The following AMPH variants were observed in gnomAD, a reference collection of about 807,000 sequenced individuals.
AMPH encodes amphiphysin, also known as amphiphysin (Stiff-Mann syndrome with breast cancer 128kD autoantigen).
In AMPH, 49 loss-of-function variants were observed where a neutral mutation model predicts 99.1. The ratio of observed to expected loss-of-function variants is 0.49; its 90% confidence interval spans 0.39 to 0.63. The LOEUF (loss-of-function observed/expected upper bound fraction) is 0.63, where lower values mean the gene tolerates loss of function less well. AMPH is among the 20% of genes least tolerant of loss of function. AMPH has a pLI of 0.00. For missense variants in AMPH, 759 were observed against 863.4 expected, an observed-to-expected ratio of 0.88 and a Z score of 1.52; for synonymous variants, 314 against 317.3, an observed-to-expected ratio of 0.99 and a Z score of 0.11.
chr7:38,553,674 A>G (rs1791258845), intron 1 of AMPH, among the ~76,000 whole-genome samples: 1 of 152,174 alleles, frequency 6.6e-6, no homozygotes, highest in African/African-American at 2.4e-5. Flanking sequence ...CTGAGCTTTC[A>G]TTACACTTCA....
chr7:38,422,355 G>T, intron 16 of AMPH, 66 bp downstream of exon 16: 1 of 1,332,558 alleles, frequency 7.5e-7, no homozygotes, highest in Non-Finnish European at 1.1e-6. Flanking sequence ...AGCCTAGAAT[G>T]ATCAGCTTTA....
At chr7:38,626,492 A>C (rs1794246480) in intron 1 of AMPH, among the ~76,000 whole-genome samples, 1 of 152,250 alleles carries the variant, frequency 6.6e-6, no homozygotes, top group African/African-American at 2.4e-5. Flanking sequence ...GGCTAGCCAT[A>C]TGCAGAAAAC....
intron 1 of AMPH, among the ~76,000 whole-genome samples, chr7:38,560,894 C>G (rs926844297): frequency 1.3e-5 from 2 of 152,180 alleles, no homozygotes; most frequent in African/African-American, 4.8e-5. Context: ...TTTCTAGAAT[C>G]AGAATGTGAT....
intron 2 of AMPH, among the ~76,000 whole-genome samples, chr7:38,525,571 C>T (rs927268032): frequency 4.0e-5 from 6 of 151,700 alleles, no homozygotes; most frequent in African/African-American, 1.5e-4. Flanking sequence ...ACAAGAATCC[C>T]TTGTATTGAC....
At chr7:38,445,121 G>T (rs952508932) in intron 11 of AMPH, among the ~76,000 whole-genome samples, 2 of 143,556 alleles carry the variant, frequency 1.4e-5, no homozygotes, top group African/African-American at 5.2e-5. Flanking sequence ...ATAGATAATT[G>T]GTTGTCTGAT....
chr7:38,577,015 G>A (rs905787159), intron 1 of AMPH, among the ~76,000 whole-genome samples: 1 of 152,072 alleles, frequency 6.6e-6, no homozygotes, highest in East Asian at 1.9e-4. Flanking sequence ...TCTTAAAGAG[G>A]ATTTATATGG....
Position 38,384,720 on chromosome 7 carries a change from TA to T in AMPH, c.*97del. ...CCAAGGTTTGTCTGGCATCAGTCTG[TA>T]AATCATTAAGAGCATAATAACAAAA... On this transcript the variant is annotated 3_prime_UTR_variant, in exon 21 of 21. Coordinates refer to ENST00000356264, the MANE Select transcript of AMPH (RefSeq NM_001635.4). 1.0e-6 allele frequency: 1 copy of T among 996,102 alleles called. No individual in the cohort carries two copies. The highest frequency in any genetic ancestry group is 1.6e-6 in the Non-Finnish European group (1 of 643,736). The allele number at this position is 996,102 out of a possible 1,614,324, so 61.7% of individuals were successfully genotyped here.
At chr7:38,601,800 G>T (rs1042213162) in intron 1 of AMPH, among the ~76,000 whole-genome samples, 7 of 152,286 alleles carry the variant, frequency 4.6e-5, no homozygotes, top group Admixed American at 3.9e-4. Context: ...GGACTAATCA[G>T]ATTGCTGGCA....
intron 8 of AMPH, 98 bp downstream of exon 8, chr7:38,466,075 G>C (rs765763462): frequency 2.1e-6 from 2 of 958,704 alleles, no homozygotes; most frequent in Non-Finnish European, 3.2e-6. Flanking sequence ...ATACAAAAGG[G>C]TGAATTCTTT....
At chr7:38,594,754 C>G (rs749384084) in intron 1 of AMPH, among the ~76,000 whole-genome samples, 1 of 152,034 alleles carries the variant, frequency 6.6e-6, no homozygotes. Context: ...ATGGGCCAAA[C>G]AAACAAATCT....
At chr7:38,470,131 A>T (rs1030209731) in intron 7 of AMPH, among the ~76,000 whole-genome samples, 1 of 152,080 alleles carries the variant, frequency 6.6e-6, no homozygotes, top group Non-Finnish European at 1.5e-5. Flanking sequence ...CCTTGTCCTG[A>T]TCCCCTGTTT....
chr7:38,592,142 A>G (rs1483410580), intron 1 of AMPH, among the ~76,000 whole-genome samples: 1 of 152,240 alleles, frequency 6.6e-6, no homozygotes, highest in Non-Finnish European at 1.5e-5. Flanking sequence ...CAGCAGAAAC[A>G]TGTCCTTAAG....
intron 1 of AMPH, among the ~76,000 whole-genome samples, chr7:38,618,500 A>C (rs1793950135): frequency 6.6e-6 from 1 of 150,518 alleles, no homozygotes. Context: ...TGACAGAGTG[A>C]GACTCTGTCT....
intron 17 of AMPH, among the ~76,000 whole-genome samples, chr7:38,415,293 T>A (rs1356147103): frequency 1.3e-5 from 2 of 152,146 alleles, no homozygotes; most frequent in African/African-American, 2.4e-5. Flanking sequence ...ACAAACTTCA[T>A]CTCAGGTGAA....
At chr7:38,493,590 A>G (rs1258533202) in intron 4 of AMPH, among the ~76,000 whole-genome samples, 4 of 152,218 alleles carry the variant, frequency 2.6e-5, no homozygotes, top group Admixed American at 6.5e-5. Flanking sequence ...CACTCCTGTC[A>G]GCCAGAAGCC....
chr7:38,524,904 C>T (rs1185229133), intron 2 of AMPH, among the ~76,000 whole-genome samples: 1 of 151,994 alleles, frequency 6.6e-6, no homozygotes, highest in African/African-American at 2.4e-5. Context: ...TAATTCAGCA[C>T]AGTCCTCACC....
At chr7:38,580,697 T>C (rs369456359) in intron 1 of AMPH, among the ~76,000 whole-genome samples, 1 of 147,288 alleles carries the variant, frequency 6.8e-6, no homozygotes, top group Non-Finnish European at 1.5e-5. Flanking sequence ...ATGATGATGA[T>C]GATGACGATG....
intron 11 of AMPH, among the ~76,000 whole-genome samples, chr7:38,457,728 A>C (rs1787287465): frequency 6.6e-6 from 1 of 152,212 alleles, no homozygotes; most frequent in Non-Finnish European, 1.5e-5. Context: ...GATACAATGC[A>C]AAAAGGTCTT....
At chr7:38,492,281 T>C (rs887398619) in intron 4 of AMPH, among the ~76,000 whole-genome samples, 15 of 152,130 alleles carry the variant, frequency 9.9e-5, no homozygotes, top group African/African-American at 3.1e-4. Context: ...TGGGCTGTCT[T>C]CCAGACTTCA....
Sources: gnomAD v4.1 joint callset for allele counts (sites outside exome capture counted in the v4.1 genomes callset) on GRCh38, gnomAD v4.1.1 for gene constraint, MANE v1.5 for transcripts, NCBI Gene and HGNC (gene_info 2026-07-23, HGNC 2026-07-21) for gene names.